COL4A4: variants seen among roughly 807,000 people sequenced by gnomAD.
COL4A4 encodes collagen type IV alpha 4 chain, also known as collagen alpha-4(IV) chain.
Under a neutral mutation model 192.9 loss-of-function variants are expected in COL4A4, and 105 were observed. That is an observed-to-expected ratio of 0.54 (90% confidence interval 0.46 to 0.64). The LOEUF is 0.64. Ranked by LOEUF, COL4A4 falls within the 30% of genes least tolerant of loss-of-function variation. COL4A4 has a pLI of 0.00. For synonymous variants in COL4A4, 762 were observed against 769.9 expected, an observed-to-expected ratio of 0.99 and a Z score of 0.17; for missense variants, 1,967 against 2,169.3, an observed-to-expected ratio of 0.91 and a Z score of 1.85.
chr2:227,035,184 A>C (rs1306201124), intron 37 of COL4A4, among the ~76,000 whole-genome samples: 1 of 152,144 alleles, frequency 6.6e-6, no homozygotes, highest in Non-Finnish European at 1.5e-5. Flanking sequence ...GTGTTCAATA[A>C]ATGTTTGTTG....
At position 227,149,759 on chromosome 2, in the gene COL4A4, T is replaced by C. The variant is rs1171357347; in HGVS notation, c.-101-2175A>G. Among the ~76,000 whole-genome samples the C allele has an allele frequency of 1.2e-4, 19 of 152,354 alleles. No individual in the cohort carries two copies. In the South Asian group the frequency reaches 3.5e-3, roughly 28 times the overall value. On this transcript the variant is annotated intron_variant, in intron 1 of 47. Coordinates refer to ENST00000396625, the MANE Select transcript of COL4A4 (RefSeq NM_000092.5). Reference sequence around the variant, plus strand: ...AAAGGTTGTACAGAGGAGAATTTTATTAAAATAGAGTGTTGTTGTGGTCAC... The same window carrying C: ...AAAGGTTGTACAGAGGAGAATTTTACTAAAATAGAGTGTTGTTGTGGTCAC...
intron 3 of COL4A4, 86 bp downstream of exon 3, chr2:227,144,430 G>T: frequency 8.7e-7 from 1 of 1,145,874 alleles, no homozygotes; most frequent in Non-Finnish European, 1.3e-6. Context: ...AGTCCCAGAG[G>T]GTGATTTCTT....
chr2:227,107,179 T>C (rs2060896403), intron 12 of COL4A4, among the ~76,000 whole-genome samples: 1 of 152,144 alleles, frequency 6.6e-6, no homozygotes, highest in Non-Finnish European at 1.5e-5. Flanking sequence ...GATCTCAAGG[T>C]TGGGGGAAGG....
At chr2:227,086,828 C>A (rs2059625923) in intron 22 of COL4A4, among the ~76,000 whole-genome samples, 1 of 152,188 alleles carries the variant, frequency 6.6e-6, no homozygotes, top group Non-Finnish European at 1.5e-5. Context: ...ATGTTGAATG[C>A]AAACTACTTA....
intron 28 of COL4A4, among the ~76,000 whole-genome samples, 155 bp from the exon 29 acceptor site, chr2:227,057,755 A>G (rs942015078): frequency 7.9e-5 from 12 of 152,272 alleles, no homozygotes; most frequent in African/African-American, 2.9e-4. Flanking sequence ...TTCTTATCAT[A>G]GATGTAATGA....
At position 227,077,961 on chromosome 2, in the gene COL4A4, C is replaced by G. The variant is rs772923694; in HGVS notation, c.1920G>C (p.Glu640Asp). 8.1e-6 allele frequency: 13 copies of G among 1,613,818 alleles called. No individual in the cohort carries two copies. The highest frequency in any genetic ancestry group is 1.1e-5 in the Non-Finnish European group (13 of 1,180,006). Residue 640 changes from glutamate to aspartate, a missense_variant, in exon 25 of 48, where the codon GAG becomes GAC. Coordinates refer to ENST00000396625, the MANE Select transcript of COL4A4 (RefSeq NM_000092.5). ...GGCCTGGAACTCCTGGGTGGCCTCG[C>G]TCTCCTGGTGGACCAGGAAATCCCA... Reference protein sequence around the residue: ...PGLGFPGPPGERGHPGVPGHP... With the variant: ...PGLGFPGPPGDRGHPGVPGHP...
chr2:227,069,029 C>A (rs1466392731), intron 25 of COL4A4, among the ~76,000 whole-genome samples: 2 of 144,334 alleles, frequency 1.4e-5, no homozygotes, highest in Admixed American at 1.4e-4. Flanking sequence ...TCTCAGGATA[C>A]AAAATCAATG....
At position 227,032,873 on chromosome 2, in the gene COL4A4, G is replaced by A. The variant is rs148979334; in HGVS notation, c.3577+537C>T. 2.0e-5 allele frequency among the ~76,000 whole-genome samples: 3 copies of A among 152,252 alleles called. No homozygotes were observed. In the East Asian group the frequency reaches 5.8e-4, roughly 29 times the overall value. On this transcript the variant is annotated intron_variant, in intron 38 of 47. Coordinates refer to ENST00000396625, the MANE Select transcript of COL4A4 (RefSeq NM_000092.5). ...TCAGCTACTTTGTCTGATCATAAGCGGTTTTTCTGAGAAAGTAACGCAACA... is the reference window on the plus strand; with the variant it reads ...TCAGCTACTTTGTCTGATCATAAGCAGTTTTTCTGAGAAAGTAACGCAACA...
intron 37 of COL4A4, among the ~76,000 whole-genome samples, chr2:227,040,216 C>T (rs193236433): frequency 3.3e-5 from 5 of 152,196 alleles, no homozygotes; most frequent in African/African-American, 1.2e-4. Flanking sequence ...ACCAGGATTT[C>T]GTATACGTAT....
intron 6 of COL4A4, 106 bp downstream of exon 6, chr2:227,119,789 G>T: frequency 2.1e-6 from 1 of 480,216 alleles, no homozygotes; most frequent in Non-Finnish European, 3.5e-6. Context: ...TATATATTGT[G>T]GTTTCTATAA....
At chr2:227,106,714 C>T (rs57209004) in intron 12 of COL4A4, among the ~76,000 whole-genome samples, 1,575 of 152,274 alleles carry the variant, frequency 0.01, 28 homozygotes, top group African/African-American at 0.036. Context: ...TACAGGCACA[C>T]GCCACCATGC....
intron 25 of COL4A4, among the ~76,000 whole-genome samples, chr2:227,070,378 C>T (rs2058639230): frequency 1.3e-5 from 2 of 152,070 alleles, no homozygotes; most frequent in Non-Finnish European, 2.9e-5. Context: ...GGTATATACC[C>T]AAAGGATTAT....
At chr2:227,028,136 C>T (rs1158746977) in intron 41 of COL4A4, 127 bp from the exon 42 acceptor site, 5 of 720,092 alleles carry the variant, frequency 6.9e-6, no homozygotes, top group Non-Finnish European at 1.2e-5. Flanking sequence ...GCCTGAGAGT[C>T]AAGATTAGCC....
the COL4A4 span, among the ~76,000 whole-genome samples, chr2:226,968,152 C>T: frequency 5.1e-4 from 78 of 152,208 alleles, no homozygotes; most frequent in African/African-American, 1.8e-3. Context: ...AGTTACAGTA[C>T]CACCAATAAG....
chr2:227,078,094 A>G lies in COL4A4; in HGVS notation c.1804-17T>C, dbSNP rs2059129765. 6.2e-7 allele frequency: 1 copy of G among 1,613,536 alleles called. No homozygotes were observed. The highest frequency in any genetic ancestry group is 8.5e-7 in the Non-Finnish European group (1 of 1,179,710). On this transcript the variant is annotated splice_polypyrimidine_tract_variant and intron_variant, in intron 24 of 47. Coordinates refer to ENST00000396625, the MANE Select transcript of COL4A4 (RefSeq NM_000092.5). ...ATGATCCCCCTGGGAATGTTATGTCATGAGTCAATTACCAACCACTGAATG... is the reference window on the plus strand; with the variant it reads ...ATGATCCCCCTGGGAATGTTATGTCGTGAGTCAATTACCAACCACTGAATG...
At chr2:226,969,445 A>G in the COL4A4 span, among the ~76,000 whole-genome samples, 1 of 126,542 alleles carries the variant, frequency 7.9e-6, no homozygotes, top group Non-Finnish European at 1.6e-5. Flanking sequence ...GATGCTTGAG[A>G]TATTAGGGGT....
At chr2:227,041,258 C>T (rs1393447786) in intron 37 of COL4A4, among the ~76,000 whole-genome samples, 2 of 152,112 alleles carry the variant, frequency 1.3e-5, no homozygotes, top group Admixed American at 1.3e-4. Context: ...CAGCATCTAG[C>T]ACAGAATCTA....
chr2:227,074,082 C>T (rs1165559710), intron 25 of COL4A4, among the ~76,000 whole-genome samples: 1 of 151,024 alleles, frequency 6.6e-6, no homozygotes, highest in Non-Finnish European at 1.5e-5. Context: ...CTCTGCACAA[C>T]AAAAAAAATA....
intron 37 of COL4A4, among the ~76,000 whole-genome samples, chr2:227,040,568 CT>C (rs66552238): frequency 0.45 from 62,818 of 140,848 alleles, 13,408 homozygotes; most frequent in South Asian, 0.55. Context: ...AATACTTTTT[CT>C]TTTTTTTTTT....
Sources: allele counts gnomAD v4.1 joint callset (sites outside exome capture counted in the v4.1 genomes callset), GRCh38; gene constraint gnomAD v4.1.1; transcripts MANE v1.5; gene names NCBI Gene and HGNC (gene_info 2026-07-23, HGNC 2026-07-21).